Variants in CSMD3 observed in about 807,000 individuals in gnomAD.
CSMD3 encodes the protein CUB and sushi domain-containing protein 3.
A neutral mutation model predicts 435.2 loss-of-function variants in CSMD3; 177 were observed. The observed-to-expected ratio is 0.41, with a 90% CI of 0.36 to 0.46. The LOEUF (loss-of-function observed/expected upper bound fraction) is 0.46, where lower values mean the gene tolerates loss of function less well. CSMD3 is among the 20% of genes least tolerant of loss of function. CSMD3 has a pLI of 0.34. For missense variants in CSMD3, 4,265 were observed against 4,504.6 expected (o/e 0.95, Z 1.52); for synonymous variants, 1,656 against 1,520.5 (o/e 1.09, Z -2.07).
At chr8:112,473,929 C>A (rs1456728121) in intron 31 of CSMD3, among the ~76,000 whole-genome samples, 3 of 151,848 alleles carry the variant, frequency 2.0e-5, no homozygotes, top group Admixed American at 6.6e-5. Context: ...TAGGGCTGAG[C>A]CTGTTGCCGA....
rs1262539277 is a variant in CSMD3 at position 113,304,038 on chromosome 8, A to G, written c.401+10533T>C. On this transcript the variant is annotated intron_variant, in intron 2 of 70. Transcript: ENST00000297405. ...TCTGACAAAGGGCTAATATCCCAGA[A>G]TCTACAATGAACTCAAACAAATCTA... Among the ~76,000 whole-genome samples the G allele has an allele frequency of 2.1e-5, 3 of 141,192 alleles. No individual in the cohort carries two copies. The East Asian group carries it at 7.5e-4, about 35-fold the overall frequency. The allele number at this position is 141,192 out of a possible 152,430, so 92.6% of individuals were successfully genotyped here.
At chr8:112,404,947 G>C (rs187439326) in intron 35 of CSMD3, among the ~76,000 whole-genome samples, 7 of 151,416 alleles carry the variant, frequency 4.6e-5, no homozygotes, top group Middle Eastern at 3.4e-3. Context: ...GGAGGCCGAG[G>C]GGGGTGGATT....
rs781652265 is a variant in CSMD3, at chr8:112,517,019, T to A, written c.4756+15A>T. 1.3e-5 allele frequency: 21 copies of A among 1,596,048 alleles called. No individual in the cohort carries two copies. The highest frequency in any genetic ancestry group is 1.5e-5 in the Non-Finnish European group (18 of 1,164,766). On this transcript the variant is annotated intron_variant, in intron 28 of 70. Transcript: ENST00000297405. Reference sequence around the variant, plus strand: ...TTATGTTTATATAAAATTTTAATTGTTCTTTAATTCATACCTATACAGACT... The same window carrying A: ...TTATGTTTATATAAAATTTTAATTGATCTTTAATTCATACCTATACAGACT...
intron 27 of CSMD3, among the ~76,000 whole-genome samples, chr8:112,541,568 T>G (rs1266732982): frequency 6.6e-6 from 1 of 151,834 alleles, no homozygotes; most frequent in African/African-American, 2.4e-5. Flanking sequence ...ATAGAAAGCC[T>G]GAACAGACTC....
intron 59 of CSMD3, among the ~76,000 whole-genome samples, chr8:112,280,563 A>G (rs775852813): frequency 3.9e-5 from 6 of 152,042 alleles, no homozygotes; most frequent in Non-Finnish European, 8.8e-5. Context: ...GAAAATAACC[A>G]TAATTTCCAA....
intron 38 of CSMD3, among the ~76,000 whole-genome samples, chr8:112,357,068 G>A (rs1319882034): frequency 7.9e-5 from 12 of 152,134 alleles, no homozygotes; most frequent in Admixed American, 7.2e-4. Flanking sequence ...AAGAAGACAG[G>A]AAAAGATGGG....
intron 5 of CSMD3, among the ~76,000 whole-genome samples, chr8:113,032,354 G>A (rs928859434): frequency 4.6e-5 from 7 of 151,726 alleles, no homozygotes; most frequent in African/African-American, 1.7e-4. Flanking sequence ...ACAGGTTGAG[G>A]TGGTCTCAGA....
At chr8:112,819,268 T>C (rs576857919) in intron 12 of CSMD3, among the ~76,000 whole-genome samples, 2 of 152,178 alleles carry the variant, frequency 1.3e-5, no homozygotes, top group East Asian at 1.9e-4. Context: ...AGTGGACACT[T>C]TGAACATGCA....
intron 38 of CSMD3, among the ~76,000 whole-genome samples, chr8:112,369,559 G>T: frequency 6.6e-6 from 1 of 152,110 alleles, no homozygotes; most frequent in East Asian, 1.9e-4. Context: ...CATGTCATTT[G>T]CAGGGACATG....
intron 3 of CSMD3, among the ~76,000 whole-genome samples, chr8:113,199,714 T>C (rs753029863): frequency 3.3e-5 from 5 of 151,716 alleles, no homozygotes; most frequent in Non-Finnish European, 7.4e-5. Context: ...ATGTATATTT[T>C]TATGTGAGGT....
At chr8:113,337,004 T>C (rs1180685817) in intron 1 of CSMD3, among the ~76,000 whole-genome samples, 3 of 152,132 alleles carry the variant, frequency 2.0e-5, no homozygotes, top group African/African-American at 7.2e-5. Flanking sequence ...GTTTGGCTGG[T>C]ATAGGACATA....
Position 112,934,757 on chromosome 8 carries a change from G to A in CSMD3, c.1509-13006C>T, listed in dbSNP as rs187736585. Among the ~76,000 whole-genome samples, 586 of 152,112 alleles carry A rather than the reference G, an allele frequency of 3.9e-3. 4 individuals are homozygous for A. The highest frequency in any genetic ancestry group is 6.6e-3 in the Non-Finnish European group (447 of 67,978). ...GGAAAAAAAAATTACTAAGACACTC[G>A]GGACACTGTGATGCAAAAATATTTG... On this transcript the variant is annotated intron_variant, in intron 9 of 70. Transcript: ENST00000297405.
At chr8:113,305,431 G>C (rs1023296913) in intron 2 of CSMD3, among the ~76,000 whole-genome samples, 2 of 152,128 alleles carry the variant, frequency 1.3e-5, no homozygotes, top group Non-Finnish European at 2.9e-5. Context: ...TAGGATATCA[G>C]TGCTGTTTTA....
In CSMD3 at chr8:112,304,787, G is replaced by A. The variant is rs2130777620; in HGVS notation, c.8200C>T (p.Pro2734Ser). Residue 2734 changes from proline (P) to serine (S), a missense_variant, in exon 52 of 71, where the codon CCT (proline) becomes TCT (serine). By Grantham distance (74) the Pro-to-Ser change is moderately conservative (BLOSUM62 -1). Around this residue, in one of 3 missense-constraint regions of CSMD3, gnomAD observed 3,255 missense variants for 3,380.2 expected, o/e 0.96. Transcript: ENST00000297405. ...TTAGGAAGACATTCGATGGAGGCAG[G>A]ACCTAGTCCATGATAACCAGGGTCA... Reference protein sequence around the residue: ...SCDPGYHGLGPASIECLPNGT... With the variant: ...SCDPGYHGLGSASIECLPNGT... 6.2e-7 allele frequency: 1 copy of A among 1,613,812 alleles called. No individual in the cohort carries two copies. Among genetic ancestry groups the A allele is most frequent in the Non-Finnish European group, 8.5e-7 (1 of 1,179,792 alleles).
At chr8:112,504,191 T>C (rs1190566202) in intron 29 of CSMD3, among the ~76,000 whole-genome samples, 1 of 152,032 alleles carries the variant, frequency 6.6e-6, no homozygotes, top group African/African-American at 2.4e-5. Flanking sequence ...AAACTTGATA[T>C]TTTTACATAT....
intron 61 of CSMD3, chr8:112,255,697 C>T (rs1014709051): frequency 6.2e-5 from 27 of 434,574 alleles, no homozygotes; most frequent in African/African-American, 1.2e-4. Flanking sequence ...GTACTTTTGT[C>T]GTTTTGTATT....
intron 1 of CSMD3, among the ~76,000 whole-genome samples, chr8:113,421,805 C>G (rs1296959060): frequency 6.6e-6 from 1 of 152,098 alleles, no homozygotes; most frequent in Non-Finnish European, 1.5e-5. Context: ...ACCCAGGAAA[C>G]AGCCAGGAAA....
rs533581274 is a variant in CSMD3 at position 112,636,602 on chromosome 8, C to T, written c.3715+215G>A. Among the ~76,000 whole-genome samples the T allele has an allele frequency of 2.6e-5, 4 of 151,466 alleles. No homozygotes were observed. The South Asian group carries it at 6.3e-4, about 24-fold the overall frequency. On this transcript the variant is annotated intron_variant, in intron 22 of 70. Transcript: ENST00000297405. ...TATCTATCTAATTTGTTTCTTATCCCTATCTGAAAACAAATTTATAAGCAT... is the reference window on the plus strand; with the variant it reads ...TATCTATCTAATTTGTTTCTTATCCTTATCTGAAAACAAATTTATAAGCAT...
At chr8:112,577,296 A>G (rs1447690335) in intron 23 of CSMD3, among the ~76,000 whole-genome samples, 16 of 152,098 alleles carry the variant, frequency 1.1e-4, no homozygotes. Flanking sequence ...CCAAAGATAA[A>G]TTACTTTTAA....
Sources: gnomAD v4.1 joint callset for allele counts (sites outside exome capture counted in the v4.1 genomes callset) on GRCh38, gnomAD v4.1.1 for gene constraint, gnomAD v4.1.1 regional missense constraint, MANE v1.5 for transcripts, NCBI Gene and HGNC (gene_info 2026-07-23, HGNC 2026-07-21) for gene names.